ANKRD44: variants seen among roughly 807,000 people sequenced by gnomAD.
ANKRD44 encodes the protein ankyrin repeat domain 44.
A neutral mutation model predicts 116.0 loss-of-function variants in ANKRD44; 35 were observed. That is an observed-to-expected ratio of 0.30 (90% CI 0.23 to 0.40). ANKRD44 has a LOEUF of 0.40. ANKRD44 is among the 10% of genes least tolerant of loss of function. The pLI is 1.00. For missense variants in ANKRD44, 1,014 were observed against 1,242.6 expected, an observed-to-expected ratio of 0.82 and a Z score of 2.77; for synonymous variants, 435 against 461.8, an observed-to-expected ratio of 0.94 and a Z score of 0.74.
intron 2 of ANKRD44, among the ~76,000 whole-genome samples, chr2:197,150,405 C>T (rs111480882): frequency 0.024 from 3,628 of 152,030 alleles, 58 homozygotes; most frequent in Middle Eastern, 0.048. Flanking sequence ...AAAAATTAGC[C>T]GGGCATGGTG....
At chr2:197,064,643 G>C (rs1427679214) in intron 16 of ANKRD44, among the ~76,000 whole-genome samples, 10 of 152,032 alleles carry the variant, frequency 6.6e-5, no homozygotes, top group Admixed American at 6.5e-4. Context: ...AAAAGGCAGG[G>C]GTTGCAATCC....
chr2:197,122,846 G>T, intron 6 of ANKRD44, 54 bp from the exon 7 acceptor site: 1 of 1,573,706 alleles, frequency 6.4e-7, no homozygotes, highest in African/African-American at 1.4e-5. Flanking sequence ...ACAATTTGCT[G>T]ATTCATTTCA....
chr2:197,196,092 C>A (rs892466267), intron 1 of ANKRD44, among the ~76,000 whole-genome samples: 1 of 152,152 alleles, frequency 6.6e-6, no homozygotes, highest in Non-Finnish European at 1.5e-5. Flanking sequence ...GCAACAGTTT[C>A]CTGTTTTGAA....
chr2:197,144,847 G>C (rs1386607656), intron 3 of ANKRD44, among the ~76,000 whole-genome samples: 4 of 152,232 alleles, frequency 2.6e-5, no homozygotes, highest in East Asian at 1.9e-4. Flanking sequence ...AAAAGAGACT[G>C]GTTGACTTCA....
chr2:197,063,099 G>C (rs534270446), intron 16 of ANKRD44, among the ~76,000 whole-genome samples: 1 of 152,286 alleles, frequency 6.6e-6, no homozygotes, highest in Admixed American at 6.5e-5. Context: ...TCATGCGCCT[G>C]GGTATCCCTC....
chr2:197,111,974 C>A (rs2078578862), intron 8 of ANKRD44, among the ~76,000 whole-genome samples: 1 of 152,104 alleles, frequency 6.6e-6, no homozygotes, highest in Non-Finnish European at 1.5e-5. Flanking sequence ...TTTCCTGACA[C>A]AGATTAAGCC....
chr2:197,161,184 A>T (rs1238888127), intron 2 of ANKRD44, among the ~76,000 whole-genome samples: 1 of 152,108 alleles, frequency 6.6e-6, no homozygotes, highest in Non-Finnish European at 1.5e-5. Flanking sequence ...ACAGATTGAC[A>T]CGAGTGCTCC....
chr2:197,125,309 G>C (rs1374871896), intron 6 of ANKRD44, 72 bp downstream of exon 6: 1 of 1,354,300 alleles, frequency 7.4e-7, no homozygotes, highest in African/African-American at 1.4e-5. Context: ...AAACCTACAT[G>C]GTCAATGAGA....
intron 1 of ANKRD44, among the ~76,000 whole-genome samples, chr2:197,274,816 G>T (rs1326113041): frequency 6.6e-6 from 1 of 152,150 alleles, no homozygotes; most frequent in East Asian, 1.9e-4. Context: ...CACTCAGTCT[G>T]GCATGGTGGC....
intron 1 of ANKRD44, among the ~76,000 whole-genome samples, chr2:197,299,695 G>A (rs1189651377): frequency 6.6e-6 from 1 of 152,178 alleles, no homozygotes; most frequent in Non-Finnish European, 1.5e-5. Context: ...GGTGAGAAAG[G>A]AGTGAGGGAT....
chr2:196,989,640 G>T lies in ANKRD44; in HGVS notation c.2933C>A (p.Ser978Ter). The change falls in exon 28 of 28, where the codon TCA becomes TAA. Residue 978 changes from serine (S) to a stop codon, truncating the protein, a stop_gained. Coordinates refer to ENST00000282272, the MANE Select transcript of ANKRD44 (RefSeq NM_001195144.2). LOFTEE classifies it high-confidence loss of function. ...TCCAGGTGTGGAACGGGGTCCATTT[G>T]ACCTAGAAGCTTTGGCAGAGGGAGC... ...VLAVDENASR[S>*]NGPRSTPGTA... 1 of 1,550,192 alleles carries T rather than the reference G, an allele frequency of 6.5e-7. No homozygotes were observed. The highest frequency in any genetic ancestry group is 1.2e-5 in the South Asian group (1 of 84,012).
At chr2:197,289,554 T>C (rs1378541541) in intron 1 of ANKRD44, among the ~76,000 whole-genome samples, 1 of 152,214 alleles carries the variant, frequency 6.6e-6, no homozygotes, top group African/African-American at 2.4e-5. Flanking sequence ...AAAGATTTTA[T>C]CTCCTTATAC....
intron 16 of ANKRD44, among the ~76,000 whole-genome samples, chr2:197,031,569 C>A (rs1574313525): frequency 6.6e-6 from 1 of 152,186 alleles, no homozygotes; most frequent in Non-Finnish European, 1.5e-5. Flanking sequence ...AAGCTATAAC[C>A]TTTCATCTAA....
chr2:197,132,106 G>GA lies in ANKRD44; in HGVS notation c.261+4485dup, dbSNP rs199573192. ...TTCTTCACAGCCTAGGGAGTACACA[G>GA]AAAAAAAAAGGAGAATGAGTTCAGA... On this transcript the variant is annotated intron_variant, in intron 4 of 27. Transcript: ENST00000282272. 4.8e-4 allele frequency among the ~76,000 whole-genome samples: 72 copies of GA among 151,114 alleles called. 1 individual carries two copies. In the South Asian group the frequency reaches 9.6e-3, roughly 20 times the overall value.
intron 1 of ANKRD44, among the ~76,000 whole-genome samples, chr2:197,291,742 T>A (rs2083574935): frequency 6.6e-6 from 1 of 152,208 alleles, no homozygotes. Context: ...GATACATATG[T>A]ATACATGTGC....
At chr2:197,259,897 C>T (rs1423378035) in intron 1 of ANKRD44, among the ~76,000 whole-genome samples, 7 of 151,906 alleles carry the variant, frequency 4.6e-5, no homozygotes. Context: ...GTGGGATTCC[C>T]ATGAGTGTGA....
Position 197,125,825 on chromosome 2 carries a change from A to G in ANKRD44, c.462+12T>C. The G allele has an allele frequency of 1.9e-6, 3 of 1,613,048 alleles. No homozygotes were observed. Among genetic ancestry groups the G allele is most frequent in the Non-Finnish European group, 2.5e-6 (3 of 1,179,868 alleles). ...AGGGAGCGTTCCAATTCTGAATGATAAAAATACCCACCTCCACGTGGCCGT... is the reference window on the plus strand; with the variant it reads ...AGGGAGCGTTCCAATTCTGAATGATGAAAATACCCACCTCCACGTGGCCGT... On this transcript the variant is annotated intron_variant, in intron 5 of 27. Coordinates refer to ENST00000282272, the MANE Select transcript of ANKRD44 (RefSeq NM_001195144.2).
intron 9 of ANKRD44, among the ~76,000 whole-genome samples, chr2:197,102,925 C>A (rs1014244403): frequency 6.6e-5 from 10 of 150,936 alleles, no homozygotes; most frequent in African/African-American, 2.4e-4. Flanking sequence ...TGTTTTTTTC[C>A]CTGTCAAAAA....
chr2:197,134,422 G>C (rs1382891283), intron 4 of ANKRD44: 1 of 152,156 alleles, frequency 6.6e-6, no homozygotes, highest in Non-Finnish European at 1.5e-5. Flanking sequence ...GAGGGAGCTG[G>C]TTACTTGGAG....
Sources: gnomAD v4.1 joint callset for allele counts (sites outside exome capture counted in the v4.1 genomes callset) on GRCh38, gnomAD v4.1.1 for gene constraint, MANE v1.5 for transcripts, NCBI Gene and HGNC (gene_info 2026-07-23, HGNC 2026-07-21) for gene names.